UTP4: variants seen among roughly 807,000 people sequenced by gnomAD.
The protein encoded by UTP4 is U3 small nucleolar RNA-associated protein 4 homolog.
A neutral mutation model predicts 82.4 loss-of-function variants in UTP4; 45 were observed. The observed-to-expected ratio is 0.55, with a 90% confidence interval of 0.43 to 0.70. The LOEUF (loss-of-function observed/expected upper bound fraction) is 0.70. Ranked by LOEUF, UTP4 falls within the 30% of genes least tolerant of loss-of-function variation. The probability of loss-of-function intolerance (pLI) is 0.00; values close to 1 mark genes in which losing one functional copy is unlikely to be tolerated. For missense variants in UTP4, 819 were observed against 858.3 expected (o/e 0.95, Z 0.57); for synonymous variants, 348 against 300.3 (o/e 1.16, Z -1.64).
intron 16 of UTP4, 126 bp downstream of exon 16, chr16:69,167,311 C>T (rs1444298141): frequency 1.4e-6 from 1 of 712,308 alleles, no homozygotes; most frequent in African/African-American, 1.8e-5. Context: ...TTGTGGGAGA[C>T]AAGTCACCTT....
chr16:69,143,037 T>G (rs759573631), intron 5 of UTP4, 141 bp from the exon 6 acceptor site: 1 of 809,370 alleles, frequency 1.2e-6, no homozygotes, highest in Non-Finnish European at 2.1e-6. Context: ...TTATGTTGTT[T>G]CGTAGAGATG....
chr16:69,150,731 C>T (rs979453809), intron 7 of UTP4, 23 bp downstream of exon 7: 8 of 1,614,170 alleles, frequency 5.0e-6, no homozygotes, highest in Non-Finnish European at 6.8e-6. Flanking sequence ...TCTGGTGAGG[C>T]TGCTGCTTTA....
Position 69,150,832 on chromosome 16 carries a change from C to A in UTP4, c.930C>A (p.Val310=). 1 of 1,614,152 alleles carries A rather than the reference C, an allele frequency of 6.2e-7. No homozygotes were observed. Among genetic ancestry groups the A allele is most frequent in the African/African-American group, 1.3e-5 (1 of 75,046 alleles). ...TCCCAGGCACTGACACCCACTTAGT[C>A]TTTCGTCCTCTCATGGAGAAGGTGG... ...LISGGTDTHL[V]FRPLMEKVEV... is the part of the protein sequence containing the mutation. The change falls in exon 8 of 17, where the codon GTC becomes GTA. Residue 310 remains valine, a synonymous_variant. Coordinates refer to ENST00000314423, the MANE Select transcript of UTP4 (RefSeq NM_032830.3).
chr16:69,159,533 C>T (rs1249622660), intron 12 of UTP4, among the ~76,000 whole-genome samples: 1 of 151,866 alleles, frequency 6.6e-6, no homozygotes, highest in Non-Finnish European at 1.5e-5. Flanking sequence ...ACTAAATATA[C>T]AAAAATTAGC....
chr16:69,166,861 CCTCT>C (rs1341521312), intron 15 of UTP4: 2 of 567,746 alleles, frequency 3.5e-6, no homozygotes, highest in South Asian at 2.1e-5. Flanking sequence ...GCTCTTTCTC[CCTCT>C]CTCTCCTTTT....
intron 14 of UTP4, among the ~76,000 whole-genome samples, chr16:69,164,614 A>G (rs994609679): frequency 7.5e-6 from 1 of 132,680 alleles, no homozygotes; most frequent in African/African-American, 3.0e-5. Context: ...ATATATATAT[A>G]TGTATATATA....
intron 5 of UTP4, 26 bp downstream of exon 5, chr16:69,139,940 G>C: frequency 1.3e-6 from 2 of 1,528,190 alleles, no homozygotes; most frequent in Non-Finnish European, 1.8e-6. Flanking sequence ...AGTTCATTTG[G>C]GGTGTGGGTT....
rs1375685945 is a variant in UTP4, at chr16:69,132,652, G to C, written c.-40G>C. On this transcript the variant is annotated 5_prime_UTR_variant, in exon 1 of 17. Transcript: ENST00000314423. ...CGCGCGCACGTGGGGCCGGGGCGGA[G>C]AGAGGCGAGCACCGGGAAGGGGAGC... 5.4e-6 allele frequency: 2 copies of C among 367,862 alleles called. No individual in the cohort carries two copies. The highest frequency in any genetic ancestry group is 3.6e-5 in the South Asian group (2 of 55,056). The allele number at this position is 367,862 out of a possible 1,614,324, so 22.8% of individuals were successfully genotyped here.
At chr16:69,143,785 A>G (rs1226674362) in intron 6 of UTP4, among the ~76,000 whole-genome samples, 4 of 152,212 alleles carry the variant, frequency 2.6e-5, no homozygotes, top group African/African-American at 9.6e-5. Context: ...GGTGGTCTTA[A>G]ATTCCTGGGC....
At chr16:69,167,271 C>G in intron 16 of UTP4, 86 bp downstream of exon 16, 2 of 896,306 alleles carry the variant, frequency 2.2e-6, no homozygotes, top group Non-Finnish European at 3.6e-6. Context: ...AAGATAAGAG[C>G]ACCTTCAGTT....
intron 10 of UTP4, 29 bp downstream of exon 10, chr16:69,154,486 C>CTAGA (rs1963357651): frequency 6.7e-7 from 1 of 1,502,968 alleles, no homozygotes; most frequent in African/African-American, 1.4e-5. Flanking sequence ...GCTCTGAATT[C>CTAGA]TAGAGCCTGA....
Position 69,168,915 on chromosome 16 carries a change from A to C in UTP4, c.2039A>C (p.Lys680Thr). ...ATTGCTCAGCTCCCACCACCCATTAAAAAGAAGAAATTTGGAACCTAAAAC... is the reference window on the plus strand; with the variant it reads ...ATTGCTCAGCTCCCACCACCCATTACAAAGAAGAAATTTGGAACCTAAAAC... ...DIIAQLPPPI[K>T]KKKFGT The change falls in exon 17 of 17, where the codon AAA (lysine) becomes ACA (threonine). Residue 680 changes from lysine (K) to threonine (T), a missense_variant. Transcript: ENST00000314423. 6.2e-7 allele frequency: 1 copy of C among 1,613,216 alleles called. No homozygotes were observed. Among genetic ancestry groups the C allele is most frequent in the Non-Finnish European group, 8.5e-7 (1 of 1,179,178 alleles).
At position 69,132,652 on chromosome 16, in the gene UTP4, G is replaced by A. The variant is rs1375685945; in HGVS notation, c.-40G>A. The A allele has an allele frequency of 5.2e-5, 19 of 367,750 alleles. No homozygotes were observed. The highest frequency in any genetic ancestry group is 9.0e-5 in the Non-Finnish European group (17 of 188,782). The allele number at this position is 367,750 out of a possible 1,614,324, so 22.8% of individuals were successfully genotyped here. A position where few individuals can be genotyped will look rare whatever the true frequency, so the allele number is the denominator to read the frequency against. ...CGCGCGCACGTGGGGCCGGGGCGGA[G>A]AGAGGCGAGCACCGGGAAGGGGAGC... On this transcript the variant is annotated 5_prime_UTR_variant, in exon 1 of 17. Coordinates refer to ENST00000314423, the MANE Select transcript of UTP4 (RefSeq NM_032830.3).
chr16:69,163,297 T>C, intron 14 of UTP4, 119 bp downstream of exon 14: 1 of 825,812 alleles, frequency 1.2e-6, no homozygotes. Flanking sequence ...AAGGTAGTTT[T>C]CTCCTGTGTG....
intron 3 of UTP4, among the ~76,000 whole-genome samples, chr16:69,137,111 A>G (rs1962832632): frequency 6.6e-6 from 1 of 152,232 alleles, no homozygotes. Flanking sequence ...CATCAGTTCA[A>G]CATTTCCCAA....
Position 69,139,886 on chromosome 16 carries a change from C to T in UTP4, c.498C>T (p.Asp166=), listed in dbSNP as rs1454513496. The T allele has an allele frequency of 4.3e-6, 7 of 1,613,498 alleles. No homozygotes were observed. The East Asian group carries it at 1.3e-4, about 31-fold the overall frequency. ...CCCACATTGCAGCTGGTTCCATAGA[C>T]TACATTAGTGTGTTTGATGTCAAAT... ...SGTHIAAGSI[D]YISVFDVKSG... The change falls in exon 5 of 17, where the codon GAC becomes GAT. Residue 166 remains aspartate, a synonymous_variant. Coordinates refer to ENST00000314423, the MANE Select transcript of UTP4 (RefSeq NM_032830.3).
intron 4 of UTP4, 118 bp from the exon 5 acceptor site, chr16:69,139,707 A>G (rs1167287074): frequency 4.2e-6 from 3 of 717,398 alleles, no homozygotes; most frequent in Admixed American, 3.9e-5. Context: ...AAGGAGTACT[A>G]TAGATGAGAG....
At chr16:69,147,318 A>G (rs1963145621) in intron 6 of UTP4, among the ~76,000 whole-genome samples, 1 of 151,830 alleles carries the variant, frequency 6.6e-6, no homozygotes, top group Middle Eastern at 3.2e-3. Context: ...AGCCTGGGCA[A>G]CATGGTGAAA....
At chr16:69,164,590 ATATATATATATATATATATATATATG>A (rs1056893282) in intron 14 of UTP4, among the ~76,000 whole-genome samples, 12 of 72,668 alleles carry the variant, frequency 1.7e-4, no homozygotes, top group African/African-American at 5.9e-4. Context: ...CATTCTTTAT[ATATATATATATATATATATATATATG>A]TATATATATA....
Sources: allele counts gnomAD v4.1 joint callset (sites outside exome capture counted in the v4.1 genomes callset), GRCh38; gene constraint gnomAD v4.1.1; transcripts MANE v1.5; gene names NCBI Gene and HGNC (gene_info 2026-07-23, HGNC 2026-07-21).